The following COL5A2 variants were observed in gnomAD, a reference collection of about 807,000 sequenced individuals.
The protein encoded by COL5A2 is collagen alpha-2(V) chain.
COL5A2 carries 23 observed loss-of-function variants against 208.2 expected under a neutral mutation model. The observed-to-expected ratio is 0.11, with a 90% CI of 0.08 to 0.16. The LOEUF (loss-of-function observed/expected upper bound fraction) is 0.16, where lower values mean the gene tolerates loss of function less well. Among genes scored for constraint, COL5A2 ranks in the 10% least tolerant of loss-of-function variants. The probability of loss-of-function intolerance (pLI) is 1.00; values close to 1 mark genes in which losing one functional copy is unlikely to be tolerated. For synonymous variants in COL5A2, 625 were observed against 628.5 expected, an observed-to-expected ratio of 0.99 and a Z score of 0.08; for missense variants, 1,590 against 1,956.4, an observed-to-expected ratio of 0.81 and a Z score of 3.53.
chr2:189,280,175 T>A, the COL5A2 span, among the ~76,000 whole-genome samples: 1 of 152,186 alleles, frequency 6.6e-6, no homozygotes. Flanking sequence ...TCAGTTTATC[T>A]TATTTTGTTT....
At chr2:189,132,749 C>T (rs62182416) in intron 1 of COL5A2, among the ~76,000 whole-genome samples, 89,413 of 151,530 alleles carry the variant, frequency 0.59, 27,842 homozygotes, top group East Asian at 0.78. Context: ...GGTGAAACCC[C>T]GTCTCTACTA....
chr2:189,111,451 C>T (rs190283733), intron 1 of COL5A2, among the ~76,000 whole-genome samples: 1 of 152,140 alleles, frequency 6.6e-6, no homozygotes, highest in Admixed American at 6.6e-5. Flanking sequence ...ACCTTCTTTC[C>T]CATTTCTTGC....
chr2:189,335,283 T>C, the COL5A2 span, among the ~76,000 whole-genome samples: 3 of 151,778 alleles, frequency 2.0e-5, no homozygotes, highest in Non-Finnish European at 4.4e-5. Flanking sequence ...CAAACCACAA[T>C]CAACAGATTT....
chr2:189,058,662 G>T, intron 32 of COL5A2, 135 bp from the exon 33 acceptor site: 2 of 977,492 alleles, frequency 2.0e-6, no homozygotes, highest in Non-Finnish European at 3.2e-6. Flanking sequence ...CTAATTTAGT[G>T]ATAAGAAATA....
chr2:189,364,109 C>T, the COL5A2 span, among the ~76,000 whole-genome samples: 1 of 152,212 alleles, frequency 6.6e-6, no homozygotes, highest in Admixed American at 6.5e-5. Flanking sequence ...CTGTCAGGAA[C>T]ACATGCAATA....
the COL5A2 span, among the ~76,000 whole-genome samples, chr2:189,246,603 A>G: frequency 6.6e-6 from 1 of 152,368 alleles, no homozygotes; most frequent in Non-Finnish European, 1.5e-5. Flanking sequence ...TAAGAGGCTG[A>G]GAAACCTCAT....
At chr2:189,099,568 T>A (rs992859160) in intron 4 of COL5A2, among the ~76,000 whole-genome samples, 2 of 152,136 alleles carry the variant, frequency 1.3e-5, no homozygotes, top group Non-Finnish European at 2.9e-5. Flanking sequence ...GAGGTTGCAG[T>A]GAACTGAGAT....
the COL5A2 span, among the ~76,000 whole-genome samples, chr2:189,326,797 G>A: frequency 4.9e-4 from 74 of 151,892 alleles, no homozygotes; most frequent in African/African-American, 1.5e-3. Flanking sequence ...GAGGCCAGGC[G>A]CGGTGGTTCA....
chr2:189,317,228 T>C, the COL5A2 span, among the ~76,000 whole-genome samples: 3 of 152,136 alleles, frequency 2.0e-5, no homozygotes, highest in African/African-American at 7.2e-5. Context: ...ACCTATATAC[T>C]TCAAATATCA....
the COL5A2 span, among the ~76,000 whole-genome samples, chr2:189,236,775 T>G: frequency 3.4e-4 from 52 of 152,030 alleles, no homozygotes; most frequent in East Asian, 9.3e-3. Flanking sequence ...GACCTTTATA[T>G]ATATAAGTAT....
the COL5A2 span, among the ~76,000 whole-genome samples, chr2:189,380,471 C>T: frequency 2.0e-5 from 3 of 151,410 alleles, no homozygotes; most frequent in African/African-American, 4.8e-5. Context: ...ATAATAAAAA[C>T]AGATTTGCCT....
chr2:189,138,368 C>T (rs567631249), intron 1 of COL5A2, among the ~76,000 whole-genome samples: 2 of 152,180 alleles, frequency 1.3e-5, no homozygotes, highest in Admixed American at 6.5e-5. Flanking sequence ...TTATATATCA[C>T]ATATAGGAAA....
At chr2:189,383,662 A>C in the COL5A2 span, among the ~76,000 whole-genome samples, 1 of 152,096 alleles carries the variant, frequency 6.6e-6, no homozygotes, top group African/African-American at 2.4e-5. Context: ...TATGGGGTAC[A>C]TGTGAGTTTT....
intron 1 of COL5A2, among the ~76,000 whole-genome samples, chr2:189,162,993 T>C (rs532077831): frequency 2.6e-5 from 4 of 152,152 alleles, no homozygotes; most frequent in African/African-American, 9.7e-5. Context: ...TAAACACTTA[T>C]GTATCTCCCA....
the COL5A2 span, among the ~76,000 whole-genome samples, chr2:189,265,354 G>T: frequency 1.3e-5 from 2 of 152,094 alleles, no homozygotes; most frequent in Non-Finnish European, 2.9e-5. Flanking sequence ...CTCTCTGAAG[G>T]GTCAAAGGAG....
the COL5A2 span, among the ~76,000 whole-genome samples, chr2:189,320,685 T>C: frequency 6.6e-6 from 1 of 152,190 alleles, no homozygotes; most frequent in South Asian, 2.1e-4. Context: ...CAAATCTACG[T>C]CTGATTGGTG....
chr2:189,179,444 A>AAT, intron 1 of COL5A2, 64 bp downstream of exon 1: 3 of 1,553,924 alleles, frequency 1.9e-6, no homozygotes, highest in Non-Finnish European at 2.6e-6. Context: ...CCTGAGGCTT[A>AAT]ACATTCCACC....
chr2:189,100,587 G>A (rs1431173892), intron 3 of COL5A2, among the ~76,000 whole-genome samples: 1 of 151,776 alleles, frequency 6.6e-6, no homozygotes, highest in Admixed American at 6.6e-5. Flanking sequence ...ATAGTTTTCA[G>A]GATCTAATCA....
At chr2:189,140,798 T>C (rs1300574222) in intron 1 of COL5A2, among the ~76,000 whole-genome samples, 2 of 152,174 alleles carry the variant, frequency 1.3e-5, no homozygotes, top group Admixed American at 6.5e-5. Context: ...GAGTAAGTAA[T>C]ATATTTTTCT....
Sources: allele counts gnomAD v4.1 joint callset (sites outside exome capture counted in the v4.1 genomes callset), GRCh38; gene constraint gnomAD v4.1.1; transcripts MANE v1.5; gene names NCBI Gene and HGNC (gene_info 2026-07-23, HGNC 2026-07-21).